Variants in TPD52 observed in about 807,000 individuals in gnomAD.
The protein encoded by TPD52 is tumor protein D52.
Under a neutral mutation model 31.3 loss-of-function variants are expected in TPD52, and 17 were observed. The observed-to-expected ratio is 0.54, with a 90% CI of 0.37 to 0.82. TPD52 has a LOEUF of 0.82. Ranked by LOEUF, TPD52 falls within the 40% of genes least tolerant of loss-of-function variation. The pLI is 0.00. For synonymous variants in TPD52, 83 were observed against 89.6 expected, an observed-to-expected ratio of 0.93 and a Z score of 0.42; for missense variants, 212 against 240.1, an observed-to-expected ratio of 0.88 and a Z score of 0.77.
intron 1 of TPD52, among the ~76,000 whole-genome samples, chr8:80,111,199 A>G (rs1179871432): frequency 1.3e-5 from 2 of 152,230 alleles, no homozygotes; most frequent in African/African-American, 2.4e-5. Context: ...GCTACAGAGC[A>G]AGAGCCTGTC....
At chr8:80,142,602 T>C (rs1239822350) in intron 1 of TPD52, among the ~76,000 whole-genome samples, 1 of 125,792 alleles carries the variant, frequency 7.9e-6, no homozygotes, top group Non-Finnish European at 1.8e-5. Flanking sequence ...CTCAGGAGGC[T>C]GAGGCACAAG....
chr8:80,123,926 A>G (rs1213084030), intron 1 of TPD52, among the ~76,000 whole-genome samples: 2 of 152,214 alleles, frequency 1.3e-5, no homozygotes, highest in African/African-American at 4.8e-5. Flanking sequence ...CAGAATGTCT[A>G]GTAAGGAAGG....
At chr8:80,122,195 C>G (rs1466712280) in intron 1 of TPD52, among the ~76,000 whole-genome samples, 1 of 151,998 alleles carries the variant, frequency 6.6e-6, no homozygotes, top group Non-Finnish European at 1.5e-5. Flanking sequence ...CGTCACATCT[C>G]AAAACAAAAC....
In TPD52 at chr8:80,106,607, C is replaced by T. The variant is rs373574400; in HGVS notation, c.20-42014G>A. On this transcript the variant is annotated intron_variant, in intron 1 of 7. Coordinates refer to ENST00000518937, the MANE Select transcript of TPD52 (RefSeq NM_001025253.3). The stretch of plus-strand genomic sequence containing the variant: ...TCCTGACCTCATGACCCACCCGCTT[C>T]GGCCTCCCAAAGTGCTGGGATTACA... Among the ~76,000 whole-genome samples the T allele has an allele frequency of 1.5e-4, 23 of 151,888 alleles. No homozygotes were observed. In the South Asian group the frequency reaches 1.9e-3, roughly 12 times the overall value.
intron 1 of TPD52, among the ~76,000 whole-genome samples, chr8:80,159,443 AG>A (rs2131246264): frequency 6.6e-6 from 1 of 152,258 alleles, no homozygotes; most frequent in South Asian, 2.1e-4. Context: ...TGCAAGGAAA[AG>A]GAAGATTGTC....
intron 1 of TPD52, among the ~76,000 whole-genome samples, chr8:80,079,443 A>G (rs996901453): frequency 3.9e-5 from 6 of 152,212 alleles, no homozygotes; most frequent in African/African-American, 1.4e-4. Context: ...ACTGTCGGCA[A>G]ATACACAAAC....
chr8:80,040,079 A>C (rs1449907815), intron 7 of TPD52, among the ~76,000 whole-genome samples: 1 of 151,688 alleles, frequency 6.6e-6, no homozygotes, highest in Non-Finnish European at 1.5e-5. Flanking sequence ...ATCTAAATGG[A>C]CCTCATGTTT....
intron 1 of TPD52, among the ~76,000 whole-genome samples, chr8:80,109,042 T>A (rs1807323253): frequency 6.6e-6 from 1 of 152,200 alleles, no homozygotes; most frequent in Non-Finnish European, 1.5e-5. Flanking sequence ...TTACCAAGGG[T>A]CATATTTGAC....
chr8:80,061,190 C>T (rs1426497867), intron 2 of TPD52, among the ~76,000 whole-genome samples: 2 of 150,010 alleles, frequency 1.3e-5, no homozygotes, highest in East Asian at 4.0e-4. Context: ...TATGGAGAAA[C>T]CCCATCTCTA....
rs745408902 is a variant in TPD52, at chr8:80,164,052, G to GAC, written c.19+7372_19+7373insGT. 2.0e-4 allele frequency among the ~76,000 whole-genome samples: 20 copies of GAC among 100,740 alleles called. 1 individual carries two copies. In the East Asian group the frequency reaches 6.5e-3, roughly 33 times the overall value. The allele number at this position is 100,740 out of a possible 152,430, so 66.1% of individuals were successfully genotyped here. On this transcript the variant is annotated intron_variant, in intron 1 of 7. Coordinates refer to ENST00000518937, the MANE Select transcript of TPD52 (RefSeq NM_001025253.3). ...AGAGAGAGAGAGAGAGAGAGAGAGA[G>GAC]AGACAGACAGACAGAAAGGGGAAAG...
intron 1 of TPD52, among the ~76,000 whole-genome samples, chr8:80,101,917 G>A (rs1806772278): frequency 6.6e-6 from 1 of 150,510 alleles, no homozygotes; most frequent in African/African-American, 2.4e-5. Context: ...AAGTGAAATT[G>A]TGTGTGTGAG....
chr8:80,156,707 G>T (rs1169049558), intron 1 of TPD52, among the ~76,000 whole-genome samples: 1 of 152,178 alleles, frequency 6.6e-6, no homozygotes, highest in Non-Finnish European at 1.5e-5. Context: ...ATCTCAGGGG[G>T]AAAGGAAGGT....
At chr8:80,122,200 C>T (rs1044411080) in intron 1 of TPD52, among the ~76,000 whole-genome samples, 23 of 151,994 alleles carry the variant, frequency 1.5e-4, no homozygotes, top group African/African-American at 5.6e-4. Flanking sequence ...CATCTCAAAA[C>T]AAAACAGAAA....
At chr8:80,095,701 C>CT (rs544723655) in intron 1 of TPD52, among the ~76,000 whole-genome samples, 89,302 of 151,724 alleles carry the variant, frequency 0.59, 26,545 homozygotes, top group East Asian at 0.8. Flanking sequence ...AATCCAAGCA[C>CT]TTGGGAGGCC....
At chr8:80,162,629 A>G (rs574120766) in intron 1 of TPD52, among the ~76,000 whole-genome samples, 2 of 151,932 alleles carry the variant, frequency 1.3e-5, no homozygotes, top group East Asian at 3.9e-4. Flanking sequence ...TCTCTTAAAA[A>G]GAGAAAAGAA....
intron 1 of TPD52, among the ~76,000 whole-genome samples, chr8:80,120,607 A>G (rs1435400314): frequency 6.6e-6 from 1 of 152,196 alleles, no homozygotes; most frequent in Non-Finnish European, 1.5e-5. Flanking sequence ...TAATCTTTGA[A>G]ATGGCTTGCA....
chr8:80,110,623 C>A (rs1032772912), intron 1 of TPD52, among the ~76,000 whole-genome samples: 16 of 144,090 alleles, frequency 1.1e-4, no homozygotes, highest in African/African-American at 2.6e-4. Context: ...TTAAAAAAAA[C>A]CATTCCAATT....
chr8:80,158,745 C>T (rs1473970294), intron 1 of TPD52: 9 of 151,236 alleles, frequency 6.0e-5, no homozygotes, highest in Admixed American at 5.9e-4. Flanking sequence ...GAGATCGAGA[C>T]CATCCCGGCT....
chr8:80,046,038 G>C (rs943511557), intron 5 of TPD52, among the ~76,000 whole-genome samples: 1 of 152,164 alleles, frequency 6.6e-6, no homozygotes, highest in Non-Finnish European at 1.5e-5. Flanking sequence ...GCTAATTCTA[G>C]TCACTGTCCC....
Sources: allele counts gnomAD v4.1 joint callset (sites outside exome capture counted in the v4.1 genomes callset), GRCh38; gene constraint gnomAD v4.1.1; transcripts MANE v1.5; gene names NCBI Gene and HGNC (gene_info 2026-07-23, HGNC 2026-07-21).